Variants in HP1BP3 observed in about 807,000 individuals in gnomAD.
HP1BP3 encodes heterochromatin protein 1-binding protein 3.
HP1BP3 carries 12 observed loss-of-function variants against 62.5 expected under a neutral mutation model. That is an observed-to-expected ratio of 0.19 (90% CI 0.12 to 0.31). The LOEUF is 0.31. Ranked by LOEUF, HP1BP3 falls within the 10% of genes least tolerant of loss-of-function variation. The pLI is 1.00. For missense variants in HP1BP3, 502 were observed against 651.8 expected, an observed-to-expected ratio of 0.77 and a Z score of 2.50; for synonymous variants, 260 against 237.8, an observed-to-expected ratio of 1.09 and a Z score of -0.86.
intron 3 of HP1BP3, among the ~76,000 whole-genome samples, chr1:20,779,435 T>C (rs1324167083): frequency 6.6e-6 from 1 of 152,148 alleles, no homozygotes; most frequent in African/African-American, 2.4e-5. Context: ...GGCCTCCAGA[T>C]GATTTCTGGA....
intron 6 of HP1BP3, among the ~76,000 whole-genome samples, chr1:20,770,421 T>C (rs1172905149): frequency 6.6e-6 from 1 of 152,174 alleles, no homozygotes; most frequent in Non-Finnish European, 1.5e-5. Context: ...GCTCAAGCGG[T>C]CCTCCTGCCT....
intron 7 of HP1BP3, among the ~76,000 whole-genome samples, chr1:20,766,222 C>T (rs1035481052): frequency 2.0e-5 from 3 of 152,016 alleles, no homozygotes; most frequent in African/African-American, 7.2e-5. Context: ...ACCCGGAAGG[C>T]GGAGGTTGCA....
chr1:20,782,407 T>C (rs2154541606), intron 1 of HP1BP3, among the ~76,000 whole-genome samples: 1 of 149,456 alleles, frequency 6.7e-6, no homozygotes, highest in South Asian at 2.1e-4. Flanking sequence ...AATACAGACG[T>C]TGTCTCTAAA....
intron 8 of HP1BP3, 73 bp from the exon 9 acceptor site, chr1:20,757,329 G>C (rs1443522817): frequency 1.2e-6 from 1 of 847,538 alleles, no homozygotes; most frequent in Non-Finnish European, 1.8e-6. Context: ...ATAGATACAG[G>C]GTTATTCCCA....
At chr1:20,764,552 C>G (rs538758657) in intron 8 of HP1BP3, among the ~76,000 whole-genome samples, 104 of 151,424 alleles carry the variant, frequency 6.9e-4, no homozygotes, top group Middle Eastern at 3.4e-3. Flanking sequence ...GGTAGAGTAA[C>G]TCTTTTAATG....
intron 9 of HP1BP3, 55 bp downstream of exon 9, chr1:20,757,111 T>C (rs2056161500): frequency 4.0e-6 from 5 of 1,244,456 alleles, no homozygotes; most frequent in South Asian, 1.3e-5. Context: ...AAGGAGGTCC[T>C]GAAACCAAAA....
At chr1:20,750,436 G>C (rs1258065968) in intron 9 of HP1BP3, among the ~76,000 whole-genome samples, 1 of 142,022 alleles carries the variant, frequency 7.0e-6, no homozygotes, top group Non-Finnish European at 1.6e-5. Context: ...GCTGAGGCAG[G>C]AGAGTCACTT....
rs1167375201 is a variant in HP1BP3 at position 20,745,049 on chromosome 1, T to A, written c.1410A>T (p.Ala470=). ...KTPAKSPGKA[A]SVKQRGSKPA... ...GTTTGGACCCTCTCTGCTTCACAGA[T>A]GCGGCCTTCCCTGGGGACTTGGCTG... The change falls in exon 13 of 13, where the codon GCA becomes GCT. Residue 470 remains alanine (A), a synonymous_variant. Transcript: ENST00000438032. 6.2e-7 allele frequency: 1 copy of A among 1,613,644 alleles called. No homozygotes were observed. Among genetic ancestry groups the A allele is most frequent in the Non-Finnish European group, 8.5e-7 (1 of 1,179,872 alleles).
At chr1:20,779,742 G>T in intron 3 of HP1BP3, 70 bp downstream of exon 3, 3 of 912,788 alleles carry the variant, frequency 3.3e-6, no homozygotes, top group East Asian at 2.8e-5. Context: ...AAGTTCAAAG[G>T]AATTTATGGG....
chr1:20,750,546 T>C (rs1229861020), intron 9 of HP1BP3, among the ~76,000 whole-genome samples: 1 of 149,232 alleles, frequency 6.7e-6, no homozygotes, highest in East Asian at 2.0e-4. Flanking sequence ...ATAAATAAAA[T>C]AAATTTAAAA....
intron 2 of HP1BP3, 138 bp downstream of exon 2, chr1:20,780,207 A>G (rs2057481119): frequency 4.5e-6 from 3 of 661,530 alleles, no homozygotes; most frequent in Non-Finnish European, 8.1e-6. Flanking sequence ...GGGAAGATGA[A>G]AAGAATCTGA....
intron 5 of HP1BP3, among the ~76,000 whole-genome samples, chr1:20,771,561 G>A (rs992962398): frequency 2.6e-5 from 4 of 152,208 alleles, no homozygotes; most frequent in Non-Finnish European, 5.9e-5. Context: ...TGGGTTTACA[G>A]ATGGCAAAGT....
chr1:20,766,633 T>C (rs1161743127), intron 7 of HP1BP3, among the ~76,000 whole-genome samples: 1 of 152,132 alleles, frequency 6.6e-6, no homozygotes, highest in Non-Finnish European at 1.5e-5. Context: ...TTGGGTCTAG[T>C]ATTTGGTAAA....
At chr1:20,783,027 G>GC (rs79336793) in intron 1 of HP1BP3, among the ~76,000 whole-genome samples, 62,548 of 151,634 alleles carry the variant, frequency 0.41, 13,196 homozygotes, top group African/African-American at 0.43. Context: ...TGGGAGGACT[G>GC]CCAGTGTCCA....
chr1:20,783,110 TCAA>T (rs938788161), intron 1 of HP1BP3, among the ~76,000 whole-genome samples: 8 of 117,122 alleles, frequency 6.8e-5, no homozygotes, highest in African/African-American at 2.6e-4. Context: ...AGACCTTGGC[TCAA>T]TAATAATAAT....
At chr1:20,747,420 A>G (rs928512829) in intron 11 of HP1BP3, 124 bp downstream of exon 11, 18 of 648,630 alleles carry the variant, frequency 2.8e-5, no homozygotes, top group Non-Finnish European at 4.5e-5. Flanking sequence ...CCAATCCCCT[A>G]TATGTAACAA....
At chr1:20,767,697 T>G (rs1184430265) in intron 6 of HP1BP3, 33 bp from the exon 7 acceptor site, 6 of 1,409,684 alleles carry the variant, frequency 4.3e-6, no homozygotes. Context: ...ATTCTAGTAT[T>G]CATAACTTTA....
At chr1:20,775,621 A>C (rs531117807) in intron 4 of HP1BP3, 1 of 178,822 alleles carries the variant, frequency 5.6e-6, no homozygotes, top group Non-Finnish European at 1.2e-5. Context: ...CCAATCCTTT[A>C]AGGTCCATTC....
chr1:20,762,780 G>C (rs145190259), intron 8 of HP1BP3, among the ~76,000 whole-genome samples: 17 of 152,152 alleles, frequency 1.1e-4, no homozygotes, highest in African/African-American at 4.1e-4. Flanking sequence ...GTAAAACCAA[G>C]CTGTGCCCAG....
Sources: allele counts gnomAD v4.1 joint callset (sites outside exome capture counted in the v4.1 genomes callset), GRCh38; gene constraint gnomAD v4.1.1; transcripts MANE v1.5; gene names NCBI Gene and HGNC (gene_info 2026-07-23, HGNC 2026-07-21).